Variants in ATM observed in about 807,000 individuals in gnomAD.
ATM encodes ATM serine/threonine kinase.
A neutral mutation model predicts 387.0 loss-of-function variants in ATM; 308 were observed. The ratio of observed to expected loss-of-function variants is 0.80; its 90% CI spans 0.73 to 0.87. ATM has a LOEUF of 0.87. Among genes scored for constraint, ATM ranks in the 40% least tolerant of loss-of-function variants. The pLI is 0.00. For missense variants in ATM, 3,312 were observed against 3,560.9 expected (o/e 0.93, Z 1.78); for synonymous variants, 1,156 against 1,187.3 (o/e 0.97, Z 0.54).
At chr11:108,346,204 A>G (rs2088368702) in intron 58 of ATM, among the ~76,000 whole-genome samples, 1 of 152,100 alleles carries the variant, frequency 6.6e-6, no homozygotes, top group East Asian at 1.9e-4. Context: ...TCCTCTCAAT[A>G]TATTATTTTC....
intron 16 of ATM, among the ~76,000 whole-genome samples, chr11:108,263,293 C>G (rs1236914777): frequency 3.7e-5 from 5 of 134,922 alleles, no homozygotes; most frequent in Non-Finnish European, 7.9e-5. Flanking sequence ...ATCTCTCAGA[C>G]CACAGTGCAA....
intron 61 of ATM, among the ~76,000 whole-genome samples, chr11:108,359,375 T>C (rs2090430442): frequency 6.6e-6 from 1 of 152,012 alleles, no homozygotes; most frequent in Non-Finnish European, 1.5e-5. Flanking sequence ...CTGTCAACAT[T>C]AGACAGATCA....
chr11:108,306,191 A>G (rs897052098), intron 37 of ATM, among the ~76,000 whole-genome samples: 3 of 152,190 alleles, frequency 2.0e-5, no homozygotes, highest in African/African-American at 7.2e-5. Flanking sequence ...TTACAAATCT[A>G]CTATTTGGAA....
chr11:108,293,893 AAATATAT>A (rs1354143425), intron 31 of ATM, among the ~76,000 whole-genome samples: 16 of 102,064 alleles, frequency 1.6e-4, no homozygotes, highest in South Asian at 3.6e-4. Context: ...AAAAAAAAAA[AAATATAT>A]ATATATATAT....
rs376961444 is a variant in ATM at position 108,241,781 on chromosome 11, A to C, written c.497-2172A>C. On this transcript the variant is annotated intron_variant, in intron 5 of 62. Coordinates refer to ENST00000675843, the MANE Select transcript of ATM (RefSeq NM_000051.4). The stretch of plus-strand genomic sequence containing the variant: ...TTTTTTTTTTTTGAGATAGGGCCTC[A>C]CTCTGTCACCCAGGCTGGAGTGTGG... Among the ~76,000 whole-genome samples the C allele has an allele frequency of 1.1e-4, 12 of 106,482 alleles. No homozygotes were observed. The South Asian group carries it at 3.7e-3, about 33-fold the overall frequency. 69.9% of individuals were successfully genotyped at this position (106,482 alleles called of 152,430 possible). A position where few individuals can be genotyped will look rare whatever the true frequency, so the allele number is the denominator to read the frequency against.
intron 61 of ATM, among the ~76,000 whole-genome samples, chr11:108,357,357 G>C (rs1030924415): frequency 2.0e-5 from 3 of 152,166 alleles, no homozygotes; most frequent in African/African-American, 7.2e-5. Flanking sequence ...AGGTGGCAGC[G>C]AGGCTGGGGG....
chr11:108,253,042 T>C (rs2080239589), intron 12 of ATM, 130 bp downstream of exon 12: 3 of 745,244 alleles, frequency 4.0e-6, no homozygotes, highest in Non-Finnish European at 6.8e-6. Flanking sequence ...TTGCAACTGT[T>C]AGCCAGGGAA....
At position 108,299,814 on chromosome 11, in the gene ATM, A is replaced by G. The variant is rs2083331055; in HGVS notation, c.5106A>G (p.Leu1702=). The change falls in exon 34 of 63, where the codon TTA becomes TTG. Residue 1702 remains leucine, a synonymous_variant. Transcript: ENST00000675843. ...KDASYTKALK[L]FEDKELQWTF... ...CATCTTATACCAAGGCCCTTAAGTT[A>G]TTTGAAGATAAAGAACTTCAGTGGA... 4.3e-6 allele frequency: 7 copies of G among 1,613,790 alleles called. No homozygotes were observed. The South Asian group carries it at 7.7e-5, about 18-fold the overall frequency.
At position 108,297,340 on chromosome 11, in the gene ATM, T is replaced by G. The variant is rs1376280581; in HGVS notation, c.4963T>G (p.Ser1655Ala). ...VKLVVNLLQL[S>A]KMAINHTGEK... is the part of the protein sequence containing the mutation. ...ACTAGTTGTCAATTTGTTGCAGTTA[T>G]CCAAGATGGCAATAAACCACACTGG... is the stretch of plus-strand genomic sequence containing the variant. Residue 1655 changes from serine (S) to alanine (A), a missense_variant, in exon 33 of 63, where the codon TCC becomes GCC. Physicochemically the swap from Ser to Ala is moderately conservative, Grantham distance 99 (BLOSUM62 1). Coordinates refer to ENST00000675843, the MANE Select transcript of ATM (RefSeq NM_000051.4). 1 of 1,614,090 alleles carries G rather than the reference T, an allele frequency of 6.2e-7. No individual in the cohort carries two copies. Among genetic ancestry groups the G allele is most frequent in the Non-Finnish European group, 8.5e-7 (1 of 1,179,982 alleles).
At chr11:108,299,658 G>T in intron 33 of ATM, 56 bp from the exon 34 acceptor site, 1 of 1,563,514 alleles carries the variant, frequency 6.4e-7, no homozygotes, top group South Asian at 1.1e-5. Flanking sequence ...GAAAATTTCA[G>T]TTTTATGTAT....
intron 45 of ATM, 114 bp from the exon 46 acceptor site, chr11:108,325,196 A>G (rs2085521331): frequency 1.4e-6 from 1 of 738,964 alleles, no homozygotes; most frequent in South Asian, 1.8e-5. Flanking sequence ...TGTCACTACA[A>G]AAGTTCCTTT....
intron 57 of ATM, 58 bp downstream of exon 57, chr11:108,343,429 T>C: frequency 2.5e-6 from 4 of 1,592,140 alleles, no homozygotes; most frequent in Non-Finnish European, 3.4e-6. Flanking sequence ...TTATTAAAGC[T>C]GACAGCTGTC....
At chr11:108,313,730 A>G (rs1398834155) in intron 40 of ATM, among the ~76,000 whole-genome samples, 1 of 152,210 alleles carries the variant, frequency 6.6e-6, no homozygotes. Flanking sequence ...ATTTCACGTT[A>G]TGAATAGAAA....
intron 25 of ATM, 101 bp downstream of exon 25, chr11:108,282,980 A>C: frequency 2.7e-6 from 2 of 746,610 alleles, no homozygotes; most frequent in Non-Finnish European, 4.3e-6. Flanking sequence ...ATACCCATAC[A>C]CATGTGTGTG....
intron 18 of ATM, 69 bp from the exon 19 acceptor site, chr11:108,270,995 A>C (rs1030168914): frequency 2.2e-6 from 3 of 1,348,658 alleles, no homozygotes; most frequent in South Asian, 2.4e-5. Context: ...CACCCGGCCT[A>C]TGTTTATATA....
chr11:108,266,386 G>C (rs1051143903), intron 16 of ATM, among the ~76,000 whole-genome samples: 11 of 150,710 alleles, frequency 7.3e-5, no homozygotes, highest in Non-Finnish European at 1.6e-4. Context: ...GTCGCAAGAA[G>C]AAAAAACCAA....
At chr11:108,235,128 C>G (rs1247647817) in intron 4 of ATM, among the ~76,000 whole-genome samples, 1 of 151,976 alleles carries the variant, frequency 6.6e-6, no homozygotes, top group Non-Finnish European at 1.5e-5. Context: ...GAAACCCTGT[C>G]TCTACTAAAA....
At chr11:108,344,226 AAGTGC>A (rs1365418435) in intron 57 of ATM, among the ~76,000 whole-genome samples, 2 of 152,168 alleles carry the variant, frequency 1.3e-5, no homozygotes, top group African/African-American at 2.4e-5. Flanking sequence ...ATGGAGGAGG[AAGTGC>A]TTAGTTCTGC....
At chr11:108,353,081 A>G (rs553408490) in intron 59 of ATM, among the ~76,000 whole-genome samples, 1 of 152,198 alleles carries the variant, frequency 6.6e-6, no homozygotes, top group Non-Finnish European at 1.5e-5. Flanking sequence ...GGGAAAAGGC[A>G]TAAGGGATGA....
Sources: allele counts gnomAD v4.1 joint callset (sites outside exome capture counted in the v4.1 genomes callset), GRCh38; gene constraint gnomAD v4.1.1; transcripts MANE v1.5; gene names NCBI Gene and HGNC (gene_info 2026-07-23, HGNC 2026-07-21).